SYN3: variants seen among roughly 807,000 people sequenced by gnomAD.
SYN3 encodes the protein synapsin III.
In SYN3, 35 loss-of-function variants were observed where a neutral mutation model predicts 65.8. The ratio of observed to expected loss-of-function variants is 0.53; its 90% CI spans 0.41 to 0.70. The LOEUF (loss-of-function observed/expected upper bound fraction) is 0.70. Among genes scored for constraint, SYN3 ranks in the 30% least tolerant of loss-of-function variants. The pLI is 0.00. For missense variants in SYN3, 680 were observed against 749.0 expected (o/e 0.91, Z 1.08); for synonymous variants, 270 against 292.9 (o/e 0.92, Z 0.80).
At chr22:32,894,044 G>A (rs2049522688) in intron 4 of SYN3, among the ~76,000 whole-genome samples, 1 of 152,132 alleles carries the variant, frequency 6.6e-6, no homozygotes, top group South Asian at 2.1e-4. Context: ...ATCGAGTCTT[G>A]TTCTAGGGTA....
chr22:32,554,853 C>T (rs74279759), intron 7 of SYN3, among the ~76,000 whole-genome samples: 4,561 of 152,280 alleles, frequency 0.03, 128 homozygotes, highest in East Asian at 0.087. Context: ...ATCACTTATT[C>T]GCTGCATGGC....
At position 32,943,491 on chromosome 22, in the gene SYN3, A is replaced by C. The variant is rs190454305; in HGVS notation, c.370-12010T>G. Among the ~76,000 whole-genome samples, 12 of 152,320 alleles carry C rather than the reference A, an allele frequency of 7.9e-5. No homozygotes were observed. The East Asian group carries it at 2.3e-3, about 29-fold the overall frequency. ...CAACCGGTACATCTGGCATGAAAAA[A>C]CATGCCAAAATGTAAAGACCATCGA... On this transcript the variant is annotated intron_variant, in intron 3 of 13. Transcript: ENST00000358763.
At chr22:32,583,874 T>C (rs1348524456) in intron 7 of SYN3, 1 of 152,242 alleles carries the variant, frequency 6.6e-6, no homozygotes, top group East Asian at 1.9e-4. Context: ...ATTGTTCCTA[T>C]AGCTACGATC....
chr22:32,864,698 C>T, intron 6 of SYN3: 1 of 442,996 alleles, frequency 2.3e-6, no homozygotes, highest in Non-Finnish European at 4.1e-6. Flanking sequence ...ATGTGGTTCA[C>T]CTTTGTTATT....
chr22:32,882,976 T>G (rs1267558614), intron 4 of SYN3, among the ~76,000 whole-genome samples: 1 of 151,988 alleles, frequency 6.6e-6, no homozygotes, highest in Non-Finnish European at 1.5e-5. Context: ...CTGTGTCACA[T>G]CCTAGCAGTT....
At position 32,807,878 on chromosome 22, in the gene SYN3, A is replaced by C. The variant is rs147162023; in HGVS notation, c.711+57037T>G. Reference sequence around the variant, plus strand: ...CAGTTCTTTTCATATATGCAACATGAGGGGATGGAGGAATGTTAGAGCCCT... The same window carrying C: ...CAGTTCTTTTCATATATGCAACATGCGGGGATGGAGGAATGTTAGAGCCCT... On this transcript the variant is annotated intron_variant, in intron 6 of 13. Transcript: ENST00000358763. Among the ~76,000 whole-genome samples, 1,296 of 152,230 alleles carry C rather than the reference A, an allele frequency of 8.5e-3. 19 individuals carry two copies. The highest frequency in any genetic ancestry group is 0.028 in the African/African-American group (1,144 of 41,538).
rs376371515 is a variant in SYN3, at chr22:32,643,241, G to A, written c.712-46505C>T. Among the ~76,000 whole-genome samples, 535 of 151,986 alleles carry A rather than the reference G, an allele frequency of 3.5e-3. 2 individuals carry two copies. The highest frequency in any genetic ancestry group is 0.011 in the African/African-American group (458 of 41,466). ...ATTACAGGTGCACGCCACCATGCCC[G>A]GCTAATTTTTGTATTTTTAGTAGAG... On this transcript the variant is annotated intron_variant, in intron 6 of 13. Coordinates refer to ENST00000358763, the MANE Select transcript of SYN3 (RefSeq NM_003490.4).
intron 1 of SYN3, among the ~76,000 whole-genome samples, chr22:33,043,682 C>T (rs1196445636): frequency 1.3e-5 from 2 of 152,202 alleles, no homozygotes; most frequent in East Asian, 3.8e-4. Flanking sequence ...TCTTTGTTTG[C>T]TCATCGTAAA....
At chr22:32,572,420 CTTCTT>C in intron 7 of SYN3, among the ~76,000 whole-genome samples, 1 of 4,468 alleles carries the variant, frequency 2.2e-4, no homozygotes. Context: ...TCTTTCCTTC[CTTCTT>C]CCTTCCTTCC....
intron 6 of SYN3, among the ~76,000 whole-genome samples, chr22:32,764,765 C>A (rs117524034): frequency 0.018 from 2,801 of 152,322 alleles, 48 homozygotes; most frequent in Middle Eastern, 0.051. Flanking sequence ...AGGCGTGAAT[C>A]TGAACTCAGC....
chr22:32,536,910 T>C (rs1215759769), intron 9 of SYN3, among the ~76,000 whole-genome samples: 1 of 152,182 alleles, frequency 6.6e-6, no homozygotes. Flanking sequence ...ATTTGGTTTG[T>C]GTGGTAGCCC....
chr22:33,019,706 G>A (rs934885357), intron 1 of SYN3, among the ~76,000 whole-genome samples: 3 of 152,100 alleles, frequency 2.0e-5, no homozygotes, highest in South Asian at 2.1e-4. Context: ...GTGCAGTGGC[G>A]CGATCTTGGC....
At chr22:32,876,595 T>TAA (rs34952677) in intron 4 of SYN3, among the ~76,000 whole-genome samples, 6,923 of 139,214 alleles carry the variant, frequency 0.05, 161 homozygotes, top group Middle Eastern at 0.11. Context: ...CCTGCATTGT[T>TAA]AAAAAAAAAA....
chr22:32,961,213 C>CA (rs2051641053), intron 3 of SYN3, among the ~76,000 whole-genome samples: 1 of 152,124 alleles, frequency 6.6e-6, no homozygotes, highest in South Asian at 2.1e-4. Flanking sequence ...CAGGCATTGC[C>CA]AAATGTCTCC....
chr22:33,041,952 A>T (rs2053972254), intron 1 of SYN3, among the ~76,000 whole-genome samples: 1 of 152,136 alleles, frequency 6.6e-6, no homozygotes, highest in Non-Finnish European at 1.5e-5. Flanking sequence ...TAAACCACTC[A>T]GCTGCTAAGG....
chr22:33,048,690 T>C (rs2054109286), intron 1 of SYN3, among the ~76,000 whole-genome samples: 1 of 152,226 alleles, frequency 6.6e-6, no homozygotes, highest in Admixed American at 6.5e-5. Flanking sequence ...GCTGAGCAGA[T>C]GCTGGTGCCA....
Position 32,533,858 on chromosome 22 carries a change from C to A in SYN3, c.1030G>T (p.Gly344Cys). The A allele has an allele frequency of 6.2e-7, 1 of 1,613,970 alleles. No homozygotes were observed. The highest frequency in any genetic ancestry group is 1.1e-5 in the South Asian group (1 of 91,062). ...TTGACGGCACAGATGTCCAGGCCGC[C>A]AAACATTTCCGAGCAGCTGTCCACC... Reference protein sequence around the residue: ...LWVDSCSEMFGGLDICAVKAV... With the variant: ...LWVDSCSEMFCGLDICAVKAV... Residue 344 changes from glycine to cysteine, a missense_variant, in exon 10 of 14, where the codon GGC (glycine) becomes TGC (cysteine). Gly to Cys is a radical substitution (Grantham distance 159). Transcript: ENST00000358763.
At chr22:32,944,388 C>A (rs1434553141) in intron 3 of SYN3, among the ~76,000 whole-genome samples, 1 of 152,270 alleles carries the variant, frequency 6.6e-6, no homozygotes, top group East Asian at 1.9e-4. Flanking sequence ...GCTGGTTCAA[C>A]ATATGCAAAT....
intron 3 of SYN3, among the ~76,000 whole-genome samples, chr22:32,963,242 AT>A (rs59829876): frequency 0.059 from 6,563 of 111,832 alleles, 443 homozygotes; most frequent in African/African-American, 0.19. Flanking sequence ...TGCCTGGCTA[AT>A]TTTTTTTTTT....
Sources: allele counts gnomAD v4.1 joint callset (sites outside exome capture counted in the v4.1 genomes callset), GRCh38; gene constraint gnomAD v4.1.1; transcripts MANE v1.5; gene names NCBI Gene and HGNC (gene_info 2026-07-23, HGNC 2026-07-21).